The following STAT4 variants were observed in gnomAD, a reference collection of about 807,000 sequenced individuals.
STAT4 encodes the protein signal transducer and activator of transcription 4.
Under a neutral mutation model 110.5 loss-of-function variants are expected in STAT4, and 42 were observed. The ratio of observed to expected loss-of-function variants is 0.38; its 90% CI spans 0.30 to 0.49. The LOEUF (loss-of-function observed/expected upper bound fraction) is 0.49, where lower values mean the gene tolerates loss of function less well. STAT4 is among the 20% of genes least tolerant of loss of function. The pLI is 0.95. For synonymous variants in STAT4, 284 were observed against 302.2 expected, an observed-to-expected ratio of 0.94 and a Z score of 0.63; for missense variants, 632 against 887.9, an observed-to-expected ratio of 0.71 and a Z score of 3.66.
At position 191,107,019 on chromosome 2, in the gene STAT4, A is replaced by G. The variant is rs1278149062; in HGVS notation, c.274-30694T>C. 2.0e-5 allele frequency among the ~76,000 whole-genome samples: 3 copies of G among 152,188 alleles called. No individual in the cohort carries two copies. The highest frequency in any genetic ancestry group is 4.4e-5 in the Non-Finnish European group (3 of 68,016). On this transcript the variant is annotated intron_variant, in intron 3 of 23. Transcript: ENST00000392320. The surrounding 1 kb of genome is among the most constrained non-coding windows in gnomAD (Gnocchi z 4.2). ...ACATTTGGATTGTCAGTCAAGTGAT[A>G]TTTGGACTTGATAGACACATGTATG...
At chr2:191,075,816 A>C (rs1574132660) in intron 4 of STAT4, among the ~76,000 whole-genome samples, 1 of 151,848 alleles carries the variant, frequency 6.6e-6, no homozygotes, top group Middle Eastern at 3.4e-3. Context: ...GATTCTTTAA[A>C]AATGTCTCCT....
rs1696879913 is a variant in STAT4, at chr2:191,062,587, A to AT, written c.941+174dup. Among the ~76,000 whole-genome samples, 1 of 152,194 alleles carries AT rather than the reference A, an allele frequency of 6.6e-6. No homozygotes were observed. The highest frequency in any genetic ancestry group is 1.9e-4 in the East Asian group (1 of 5,200). Reference sequence around the variant, plus strand: ...CAGTTGGTGAGAGAAGTGTTGATGAATAAATAGTGAAGAGTAGAAATGTGG... The same window carrying AT: ...CAGTTGGTGAGAGAAGTGTTGATGAATTAAATAGTGAAGAGTAGAAATGTGG... On this transcript the variant is annotated intron_variant, in intron 9 of 23. Transcript: ENST00000392320. This position sits in a 1 kb window ranked among gnomAD's most constrained non-coding sequence, Gnocchi z 4.9.
chr2:191,096,825 A>G (rs948185409), intron 3 of STAT4, among the ~76,000 whole-genome samples: 5 of 152,220 alleles, frequency 3.3e-5, no homozygotes. Flanking sequence ...AAAGGAAGTC[A>G]AATTGTCCCT....
chr2:191,067,187 T>C (rs1035349685), intron 6 of STAT4, among the ~76,000 whole-genome samples: 94 of 151,692 alleles, frequency 6.2e-4, no homozygotes, highest in African/African-American at 1.9e-3. Context: ...ATGCAATAAA[T>C]AAACATTATA....
At position 191,062,948 on chromosome 2, in the gene STAT4, A is replaced by C. The variant is rs776139769; in HGVS notation, c.783-28T>G. 6.3e-7 allele frequency: 1 copy of C among 1,595,786 alleles called. No individual in the cohort carries two copies. The highest frequency in any genetic ancestry group is 2.3e-5 in the East Asian group (1 of 44,374). On this transcript the variant is annotated intron_variant, in intron 8 of 23. Coordinates refer to ENST00000392320, the MANE Select transcript of STAT4 (RefSeq NM_003151.4). The surrounding 1 kb of genome is among the most constrained non-coding windows in gnomAD (Gnocchi z 4.9). ...ATTGAACAGAAAATGAAAATCAAAGATAGTTTTTCCACTTAATAATAAAAA... is the reference window on the plus strand; with the variant it reads ...ATTGAACAGAAAATGAAAATCAAAGCTAGTTTTTCCACTTAATAATAAAAA...
At chr2:191,122,534 A>G (rs1296731912) in intron 3 of STAT4, among the ~76,000 whole-genome samples, 2 of 152,212 alleles carry the variant, frequency 1.3e-5, no homozygotes, top group East Asian at 3.8e-4. Flanking sequence ...GCTTATGCCT[A>G]CTACTAAAAG....
At chr2:191,133,330 T>G (rs1699094400) in intron 3 of STAT4, among the ~76,000 whole-genome samples, 1 of 151,282 alleles carries the variant, frequency 6.6e-6, no homozygotes, top group Non-Finnish European at 1.5e-5. Context: ...CCAAACAAAA[T>G]CCCTCCCTTT....
chr2:191,072,125 G>T (rs1339585603), intron 5 of STAT4, among the ~76,000 whole-genome samples: 2 of 152,068 alleles, frequency 1.3e-5, no homozygotes, highest in Non-Finnish European at 2.9e-5. Flanking sequence ...TCTGCTCGGG[G>T]GTCCAAAAAA....
intron 3 of STAT4, among the ~76,000 whole-genome samples, chr2:191,126,724 T>C (rs1344319957): frequency 1.3e-5 from 2 of 152,174 alleles, no homozygotes; most frequent in African/African-American, 2.4e-5. Context: ...CCTGGACAGA[T>C]TGGGTGGGTT....
rs1043266535 is a variant in STAT4, at chr2:191,099,551, T to A, written c.274-23226A>T. 6.6e-6 allele frequency among the ~76,000 whole-genome samples: 1 copy of A among 152,136 alleles called. No individual in the cohort carries two copies. The highest frequency in any genetic ancestry group is 2.4e-5 in the African/African-American group (1 of 41,442). On this transcript the variant is annotated intron_variant, in intron 3 of 23. Transcript: ENST00000392320. This position sits in a 1 kb window ranked among gnomAD's most constrained non-coding sequence, Gnocchi z 4.1. ...TTACGTAAAATTTGGAAAGCAGAGA[T>A]ATGAATAATAAAATTTCATTTTTGT...
chr2:191,137,031 C>T (rs116812788), intron 3 of STAT4, among the ~76,000 whole-genome samples: 85,103 of 151,310 alleles, frequency 0.56, 24,775 homozygotes, highest in Admixed American at 0.64. Context: ...AGGAAAACTA[C>T]AAAACACTGA....
Position 191,031,519 on chromosome 2 carries a change from GGA to G in STAT4, c.2045-5_2045-4del. Reference sequence around the variant, plus strand: ...ACCCCTTTCTGTTGGTCTTGAAACTGGAAAACAAAAAGGCACAATGTTGGGGA... The same window carrying G: ...ACCCCTTTCTGTTGGTCTTGAAACTGAAACAAAAAGGCACAATGTTGGGGA... On this transcript the variant is annotated splice_polypyrimidine_tract_variant and splice_region_variant and intron_variant, in intron 21 of 23. Coordinates refer to ENST00000392320, the MANE Select transcript of STAT4 (RefSeq NM_003151.4). This position sits in a 1 kb window ranked among gnomAD's most constrained non-coding sequence, Gnocchi z 4.8. 6.2e-7 allele frequency: 1 copy of G among 1,609,692 alleles called. No individual in the cohort carries two copies. Among genetic ancestry groups the G allele is most frequent in the Non-Finnish European group, 8.5e-7 (1 of 1,178,006 alleles).
intron 3 of STAT4, among the ~76,000 whole-genome samples, chr2:191,108,020 G>A (rs924680752): frequency 6.6e-6 from 1 of 152,066 alleles, no homozygotes; most frequent in Non-Finnish European, 1.5e-5. Flanking sequence ...GCCGGGTGCG[G>A]GGGCTCACGT....
chr2:191,077,354 T>C lies in STAT4; in HGVS notation c.274-1029A>G, dbSNP rs972571638. The stretch of plus-strand genomic sequence containing the variant: ...AGGTGTCTGAGTTTTCTAACCTTAA[T>C]GGATAGAACTAATCTGAACAACACT... On this transcript the variant is annotated intron_variant, in intron 3 of 23. Transcript: ENST00000392320. This position sits in a 1 kb window ranked among gnomAD's most constrained non-coding sequence, Gnocchi z 4.1. Among the ~76,000 whole-genome samples the C allele has an allele frequency of 2.6e-5, 4 of 152,222 alleles. No homozygotes were observed. Among genetic ancestry groups the C allele is most frequent in the African/African-American group, 7.2e-5 (3 of 41,456 alleles).
intron 3 of STAT4, among the ~76,000 whole-genome samples, chr2:191,093,916 C>T (rs898299710): frequency 6.6e-6 from 1 of 152,152 alleles, no homozygotes; most frequent in African/African-American, 2.4e-5. Flanking sequence ...TGCTGAAAAC[C>T]ATGGCATGGG....
At chr2:191,068,247 T>G (rs1697048402) in intron 6 of STAT4, 2 of 152,198 alleles carry the variant, frequency 1.3e-5, no homozygotes, top group South Asian at 4.1e-4. Flanking sequence ...TCAAATAATC[T>G]AATTCTTAAA....
chr2:191,131,660 A>G (rs996444774), intron 3 of STAT4: 2 of 794,210 alleles, frequency 2.5e-6, no homozygotes, highest in Non-Finnish European at 3.4e-6. Context: ...AGAGGCTTCA[A>G]AGGTAATGGT....
intron 3 of STAT4, among the ~76,000 whole-genome samples, chr2:191,080,772 T>A (rs1016460782): frequency 6.6e-6 from 1 of 152,210 alleles, no homozygotes; most frequent in Admixed American, 6.5e-5. Context: ...AGAAGACTTC[T>A]AATCAGTCGT....
rs1697801459 is a variant in STAT4, at chr2:191,091,753, A to G, written c.274-15428T>C. Among the ~76,000 whole-genome samples the G allele has an allele frequency of 6.6e-6, 1 of 152,200 alleles. No individual in the cohort carries two copies. Among genetic ancestry groups the G allele is most frequent in the Admixed American group, 6.5e-5 (1 of 15,282 alleles). On this transcript the variant is annotated intron_variant, in intron 3 of 23. Coordinates refer to ENST00000392320, the MANE Select transcript of STAT4 (RefSeq NM_003151.4). This position sits in a 1 kb window ranked among gnomAD's most constrained non-coding sequence, Gnocchi z 5.4. Reference sequence around the variant, plus strand: ...TGATAAATGCTGTCATCCTGAGTATACAGCTAGGTAAACTGAGATAAAGAA... The same window carrying G: ...TGATAAATGCTGTCATCCTGAGTATGCAGCTAGGTAAACTGAGATAAAGAA...
Sources: gnomAD v4.1 joint callset for allele counts (sites outside exome capture counted in the v4.1 genomes callset) on GRCh38, gnomAD v4.1.1 for gene constraint, Gnocchi (gnomAD v3.1) non-coding constraint, MANE v1.5 for transcripts, NCBI Gene and HGNC (gene_info 2026-07-23, HGNC 2026-07-21) for gene names.